The following WWOX variants were observed in gnomAD, a reference collection of about 807,000 sequenced individuals.
WWOX encodes the protein WW domain-containing oxidoreductase.
A neutral mutation model predicts 46.2 loss-of-function variants in WWOX; 69 were observed. The observed-to-expected ratio is 1.49, with a 90% CI of 1.23 to 1.82. WWOX has a LOEUF of 1.82. Ranked by LOEUF, WWOX falls within the 40% of genes most tolerant of loss-of-function variation. The pLI, the probability that WWOX is intolerant of heterozygous loss-of-function variation, is 0.00. For missense variants in WWOX, 919 were observed against 542.6 expected, an observed-to-expected ratio of 1.69 and a Z score of -6.89; for synonymous variants, 359 against 202.6, an observed-to-expected ratio of 1.77 and a Z score of -6.56.
intron 5 of WWOX, among the ~76,000 whole-genome samples, chr16:78,318,272 A>ATTTTTTTTTTTTTTTTTTTTTTT (rs34730954): frequency 1.6e-5 from 2 of 123,566 alleles, no homozygotes; most frequent in African/African-American, 3.2e-5. Flanking sequence ...TCTGGGAGGA[A>ATTTTTTTTTTTTTTTTTTTTTTT]TTTTTTTTTT....
At chr16:78,260,870 G>C (rs2079214663) in intron 5 of WWOX, among the ~76,000 whole-genome samples, 1 of 147,974 alleles carries the variant, frequency 6.8e-6, no homozygotes, top group Non-Finnish European at 1.5e-5. Flanking sequence ...CCGGGAGGTG[G>C]AGGTTGCAGT....
At chr16:78,389,792 C>G (rs1353680062) in intron 6 of WWOX, among the ~76,000 whole-genome samples, 1 of 151,962 alleles carries the variant, frequency 6.6e-6, no homozygotes, top group Non-Finnish European at 1.5e-5. Context: ...GCTGTGTTGC[C>G]CAGGCTGAAG....
chr16:78,769,857 T>A (rs1401249915), intron 8 of WWOX, among the ~76,000 whole-genome samples: 1 of 150,288 alleles, frequency 6.7e-6, no homozygotes, highest in Non-Finnish European at 1.5e-5. Context: ...AAATAAAAAA[T>A]AAAATAAAAA....
chr16:79,158,958 T>G, intron 8 of WWOX, among the ~76,000 whole-genome samples: 1 of 152,182 alleles, frequency 6.6e-6, no homozygotes, highest in Non-Finnish European at 1.5e-5. Context: ...ATTGAATAGA[T>G]GAAAGAACAG....
intron 5 of WWOX, among the ~76,000 whole-genome samples, chr16:78,296,894 T>C (rs1430520718): frequency 6.6e-6 from 1 of 152,226 alleles, no homozygotes. Flanking sequence ...GCAGAGACTT[T>C]CTCTTCTTCA....
chr16:78,338,535 C>A (rs1239498720), intron 5 of WWOX, among the ~76,000 whole-genome samples: 1 of 120,954 alleles, frequency 8.3e-6, no homozygotes, highest in African/African-American at 2.8e-5. Flanking sequence ...TCTGTAGTTT[C>A]CACAAGTAAC....
At chr16:78,497,389 T>A (rs1162116751) in intron 8 of WWOX, among the ~76,000 whole-genome samples, 1 of 152,160 alleles carries the variant, frequency 6.6e-6, no homozygotes, top group Non-Finnish European at 1.5e-5. Flanking sequence ...GGAGGAAAGC[T>A]CCATGACACT....
intron 4 of WWOX, among the ~76,000 whole-genome samples, chr16:78,132,539 AT>A (rs1171498523): frequency 2.6e-5 from 4 of 152,150 alleles, no homozygotes; most frequent in East Asian, 1.9e-4. Flanking sequence ...CCATGTGATG[AT>A]TTTTTAAAAG....
intron 8 of WWOX, among the ~76,000 whole-genome samples, chr16:79,127,934 C>T (rs551534159): frequency 1.3e-5 from 2 of 152,098 alleles, no homozygotes; most frequent in African/African-American, 2.4e-5. Context: ...GTACAACTTG[C>T]AGTAGTCCAC....
intron 8 of WWOX, among the ~76,000 whole-genome samples, chr16:78,558,979 G>T (rs2459108): frequency 1.3e-5 from 2 of 151,996 alleles, no homozygotes; most frequent in African/African-American, 4.8e-5. Context: ...CAGGCTGTCA[G>T]CTCCCTGACT....
chr16:79,049,787 A>T (rs533329935), intron 8 of WWOX, among the ~76,000 whole-genome samples: 87 of 150,492 alleles, frequency 5.8e-4, no homozygotes, highest in African/African-American at 2.0e-3. Flanking sequence ...GTGAGCTGAG[A>T]TCATCCCACC....
At chr16:79,052,389 A>G (rs563006884) in intron 8 of WWOX, among the ~76,000 whole-genome samples, 5 of 152,270 alleles carry the variant, frequency 3.3e-5, no homozygotes, top group African/African-American at 1.2e-4. Context: ...TTATGGCTGC[A>G]TAGTATTCCA....
At chr16:78,250,414 A>AT (rs946759855) in intron 5 of WWOX, among the ~76,000 whole-genome samples, 27 of 148,850 alleles carry the variant, frequency 1.8e-4, no homozygotes, top group African/African-American at 3.4e-4. Flanking sequence ...AACGAACAAC[A>AT]TTTTTTTTTT....
chr16:78,867,891 G>T (rs973621509), intron 8 of WWOX, among the ~76,000 whole-genome samples: 8 of 152,156 alleles, frequency 5.3e-5, no homozygotes, highest in Non-Finnish European at 1.2e-4. Flanking sequence ...ATTATCCCAA[G>T]AGTTGTGAAA....
At chr16:79,144,558 A>G (rs578054803) in intron 8 of WWOX, among the ~76,000 whole-genome samples, 1 of 152,352 alleles carries the variant, frequency 6.6e-6, no homozygotes, top group South Asian at 2.1e-4. Flanking sequence ...TGATTTAAGC[A>G]CTAAGCTATT....
intron 8 of WWOX, among the ~76,000 whole-genome samples, chr16:78,582,443 A>G (rs922476042): frequency 2.6e-5 from 4 of 152,214 alleles, no homozygotes; most frequent in Admixed American, 2.0e-4. Flanking sequence ...TTCAAAAATT[A>G]TATTTTTTAT....
chr16:78,185,913 G>A (rs931603607), intron 5 of WWOX, among the ~76,000 whole-genome samples: 13 of 152,212 alleles, frequency 8.5e-5, no homozygotes, highest in East Asian at 3.9e-4. Context: ...TGATCCACCC[G>A]CCTCGGCCTC....
intron 8 of WWOX, among the ~76,000 whole-genome samples, chr16:78,636,693 G>C (rs914350012): frequency 3.3e-5 from 5 of 152,164 alleles, no homozygotes; most frequent in African/African-American, 7.2e-5. Flanking sequence ...CACTTACTGA[G>C]GTGTGTGAAC....
At chr16:78,879,213 C>T (rs1443001395) in intron 8 of WWOX, among the ~76,000 whole-genome samples, 2 of 152,128 alleles carry the variant, frequency 1.3e-5, no homozygotes, top group African/African-American at 4.8e-5. Context: ...GTTGCAACAT[C>T]TGGAAAAAGA....
Sources: gnomAD v4.1 joint callset for allele counts (sites outside exome capture counted in the v4.1 genomes callset) on GRCh38, gnomAD v4.1.1 for gene constraint, MANE v1.5 for transcripts, NCBI Gene and HGNC (gene_info 2026-07-23, HGNC 2026-07-21) for gene names.